Variants in CSNK2A2IP observed in about 807,000 individuals in gnomAD.
The protein encoded by CSNK2A2IP is casein kinase 2 subunit alpha' interacting protein.
At chr3:88,423,459 G>A in the CSNK2A2IP span, among the ~76,000 whole-genome samples, 3 of 152,058 alleles carry the variant, frequency 2.0e-5, no homozygotes, top group Non-Finnish European at 2.9e-5. Flanking sequence ...CTGTCTCAAT[G>A]CACAGACTTT....
At chr3:88,463,326 T>C in the CSNK2A2IP span, among the ~76,000 whole-genome samples, 11 of 150,806 alleles carry the variant, frequency 7.3e-5, no homozygotes, top group Non-Finnish European at 1.3e-4. Flanking sequence ...AAAAATAAAA[T>C]TGTGTGGTAT....
chr3:88,391,596 A>T, the CSNK2A2IP span, among the ~76,000 whole-genome samples: 1 of 152,204 alleles, frequency 6.6e-6, no homozygotes, highest in South Asian at 2.1e-4. Flanking sequence ...CTTCATGATT[A>T]TGGTCATAGC....
the CSNK2A2IP span, among the ~76,000 whole-genome samples, chr3:88,373,471 G>A: frequency 1.3e-5 from 2 of 151,118 alleles, no homozygotes; most frequent in Non-Finnish European, 3.0e-5. Context: ...AATTTTTTGG[G>A]ATATAATAAA....
At chr3:88,368,809 C>T in the CSNK2A2IP span, among the ~76,000 whole-genome samples, 2 of 152,114 alleles carry the variant, frequency 1.3e-5, no homozygotes, top group South Asian at 4.1e-4. Flanking sequence ...AGGGTGGATG[C>T]CAGTAGCTAA....
chr3:88,390,845 G>T, the CSNK2A2IP span, among the ~76,000 whole-genome samples: 1 of 152,110 alleles, frequency 6.6e-6, no homozygotes, highest in African/African-American at 2.4e-5. Flanking sequence ...GTAGTATACT[G>T]AAGAAATCTG....
chr3:88,357,816 A>G, the CSNK2A2IP span, among the ~76,000 whole-genome samples: 2 of 151,496 alleles, frequency 1.3e-5, no homozygotes, highest in Non-Finnish European at 2.9e-5. Context: ...GTGCAGTGGC[A>G]TGATCTTGGC....
At chr3:88,466,978 C>T in the CSNK2A2IP span, 1 of 1,230,596 alleles carries the variant, frequency 8.1e-7, no homozygotes, top group South Asian at 4.1e-5. Flanking sequence ...GAAAGAAAAC[C>T]AGCCTAATGA....
chr3:88,401,037 G>A, the CSNK2A2IP span, among the ~76,000 whole-genome samples: 16 of 152,128 alleles, frequency 1.1e-4, no homozygotes, highest in South Asian at 4.2e-4. Flanking sequence ...TTAGGTTAAG[G>A]CCTTGAAATA....
At chr3:88,416,290 A>G in the CSNK2A2IP span, among the ~76,000 whole-genome samples, 1 of 150,982 alleles carries the variant, frequency 6.6e-6, no homozygotes, top group East Asian at 1.9e-4. Context: ...AAAAAAAAAG[A>G]AAAGGAAAAG....
chr3:88,373,786 T>C, the CSNK2A2IP span, among the ~76,000 whole-genome samples: 9 of 151,112 alleles, frequency 6.0e-5, no homozygotes, highest in Non-Finnish European at 4.4e-5. Flanking sequence ...ATTACCAATA[T>C]AAAAAATAAA....
the CSNK2A2IP span, among the ~76,000 whole-genome samples, chr3:88,378,757 G>T: frequency 6.6e-6 from 1 of 151,772 alleles, no homozygotes; most frequent in African/African-American, 2.4e-5. Context: ...GAAAGAATTG[G>T]CATTTTATAA....
the CSNK2A2IP span, among the ~76,000 whole-genome samples, chr3:88,359,234 T>TA: frequency 1.3e-5 from 2 of 151,880 alleles, no homozygotes; most frequent in Admixed American, 6.5e-5. Context: ...TTGTAATGTC[T>TA]CTTTTTTCAC....
At chr3:88,345,721 C>T in the CSNK2A2IP span, among the ~76,000 whole-genome samples, 45 of 151,982 alleles carry the variant, frequency 3.0e-4, no homozygotes, top group East Asian at 3.1e-3. Flanking sequence ...GACATTCCCC[C>T]GTCTCTCTTT....
the CSNK2A2IP span, among the ~76,000 whole-genome samples, chr3:88,412,760 C>T: frequency 6.6e-6 from 1 of 152,000 alleles, no homozygotes; most frequent in Non-Finnish European, 1.5e-5. Flanking sequence ...TACTCCTAGG[C>T]TACAAATCTG....
chr3:88,394,764 C>T, the CSNK2A2IP span, among the ~76,000 whole-genome samples: 1 of 152,120 alleles, frequency 6.6e-6, no homozygotes, highest in Non-Finnish European at 1.5e-5. Flanking sequence ...AACTTTAAGT[C>T]CTTTGTCTGG....
At chr3:88,379,162 G>A in the CSNK2A2IP span, among the ~76,000 whole-genome samples, 5,721 of 151,946 alleles carry the variant, frequency 0.038, 266 homozygotes, top group African/African-American at 0.11. Context: ...AACCCTGAAC[G>A]TGTTAGCCTA....
the CSNK2A2IP span, among the ~76,000 whole-genome samples, chr3:88,403,513 C>A: frequency 1.3e-4 from 20 of 152,208 alleles, no homozygotes; most frequent in Non-Finnish European, 5.9e-5. Flanking sequence ...GTAGAGCAGC[C>A]TTGACCCCTT....
the CSNK2A2IP span, among the ~76,000 whole-genome samples, chr3:88,371,720 G>A: frequency 6.7e-6 from 1 of 149,590 alleles, no homozygotes; most frequent in South Asian, 2.1e-4. Context: ...GTCCCAAATT[G>A]CAAAATAATG....
chr3:88,416,039 G>A, the CSNK2A2IP span, among the ~76,000 whole-genome samples: 2 of 151,950 alleles, frequency 1.3e-5, no homozygotes, highest in South Asian at 2.1e-4. Flanking sequence ...GGGAGGCCGA[G>A]GCAGGAGGAT....
Sources: allele counts gnomAD v4.1 joint callset (sites outside exome capture counted in the v4.1 genomes callset), GRCh38; gene constraint gnomAD v4.1.1; transcripts MANE v1.5; gene names NCBI Gene and HGNC (gene_info 2026-07-23, HGNC 2026-07-21).